Variants in PTPRD observed in about 807,000 individuals in gnomAD.
PTPRD encodes protein tyrosine phosphatase receptor type D.
PTPRD carries 34 observed loss-of-function variants against 214.5 expected under a neutral mutation model. The observed-to-expected ratio is 0.16, with a 90% CI of 0.12 to 0.21. PTPRD has a LOEUF of 0.21. Ranked by LOEUF, PTPRD falls within the 10% of genes least tolerant of loss-of-function variation. The pLI is 1.00. For missense variants in PTPRD, 2,545 were observed against 2,398.7 expected (o/e 1.06, Z -1.27); for synonymous variants, 1,128 against 845.7 (o/e 1.33, Z -5.79).
At chr9:9,057,047 G>C (rs1414489195) in intron 10 of PTPRD, among the ~76,000 whole-genome samples, 1 of 152,064 alleles carries the variant, frequency 6.6e-6, no homozygotes, top group Non-Finnish European at 1.5e-5. Context: ...TTATAGGGTG[G>C]TTGTGATGAT....
chr9:9,605,646 A>G (rs1004073277), intron 7 of PTPRD, among the ~76,000 whole-genome samples: 13 of 152,188 alleles, frequency 8.5e-5, no homozygotes, highest in African/African-American at 3.1e-4. Context: ...GGTCATCAAT[A>G]TAGAGGATGA....
intron 2 of PTPRD, among the ~76,000 whole-genome samples, chr9:10,392,267 G>A (rs1352788809): frequency 6.6e-6 from 1 of 151,882 alleles, no homozygotes; most frequent in Non-Finnish European, 1.5e-5. Flanking sequence ...GCCACATGAG[G>A]ATCAGGTTGA....
intron 11 of PTPRD, among the ~76,000 whole-genome samples, chr9:8,814,053 T>A (rs1415970886): frequency 6.6e-6 from 1 of 152,248 alleles, no homozygotes; most frequent in Non-Finnish European, 1.5e-5. Context: ...TTCTGCACCT[T>A]GGTATCTCCC....
chr9:10,034,386 C>T (rs1045759305), intron 3 of PTPRD, among the ~76,000 whole-genome samples: 2 of 143,736 alleles, frequency 1.4e-5, no homozygotes, highest in Non-Finnish European at 3.0e-5. Flanking sequence ...TTCTCGCACT[C>T]TGTCTCAGCT....
chr9:8,517,069 G>C (rs992787194), intron 21 of PTPRD, among the ~76,000 whole-genome samples: 3 of 152,058 alleles, frequency 2.0e-5, no homozygotes, highest in African/African-American at 7.2e-5. Context: ...CCTCCCAAAA[G>C]TGTTGGGATT....
intron 5 of PTPRD, among the ~76,000 whole-genome samples, chr9:9,829,172 G>C (rs1598986911): frequency 6.6e-6 from 1 of 151,802 alleles, no homozygotes; most frequent in Non-Finnish European, 1.5e-5. Flanking sequence ...TTAAAAGTTA[G>C]GAAAGATGAA....
intron 2 of PTPRD, among the ~76,000 whole-genome samples, chr9:10,342,663 C>G (rs1214090241): frequency 6.6e-6 from 1 of 152,098 alleles, no homozygotes; most frequent in Non-Finnish European, 1.5e-5. Flanking sequence ...TCCGCACCTT[C>G]TATTCCATGT....
intron 10 of PTPRD, among the ~76,000 whole-genome samples, chr9:9,170,253 C>A (rs16929011): frequency 6.6e-6 from 1 of 152,020 alleles, no homozygotes; most frequent in East Asian, 1.9e-4. Context: ...TTTCTGAAAC[C>A]CATACCAAAA....
intron 3 of PTPRD, among the ~76,000 whole-genome samples, chr9:10,114,520 G>C (rs1287247697): frequency 1.3e-5 from 2 of 151,646 alleles, no homozygotes; most frequent in African/African-American, 4.9e-5. Flanking sequence ...TCATATATGT[G>C]AATTTTATTC....
intron 4 of PTPRD, among the ~76,000 whole-genome samples, chr9:9,951,985 G>T (rs988133041): frequency 6.6e-6 from 1 of 152,178 alleles, no homozygotes; most frequent in African/African-American, 2.4e-5. Context: ...CCCCCTTGAA[G>T]TCTGCACACA....
intron 3 of PTPRD, among the ~76,000 whole-genome samples, chr9:10,333,091 A>G (rs1007528679): frequency 2.6e-5 from 4 of 151,868 alleles, no homozygotes; most frequent in African/African-American, 9.7e-5. Context: ...TGCTGAATAA[A>G]TAAGTGATTG....
intron 10 of PTPRD, among the ~76,000 whole-genome samples, chr9:9,058,442 G>GTTTTTGTTTTTTTTTTTT: frequency 1.4e-5 from 1 of 69,916 alleles, no homozygotes; most frequent in East Asian, 4.9e-4. Context: ...TATTATGAGG[G>GTTTTTGTTTTTTTTTTTT]TTTTTTTTTT....
rs555533240 is a variant in PTPRD at position 8,521,510 on chromosome 9, G to A, written c.728C>T (p.Thr243Ile). 2.5e-6 allele frequency: 4 copies of A among 1,613,974 alleles called. No individual in the cohort carries two copies. The highest frequency in any genetic ancestry group is 2.2e-5 in the South Asian group (2 of 91,076). The change falls in exon 20 of 46, where the codon ACT becomes ATT. Residue 243 changes from threonine to isoleucine, a missense_variant. By Grantham distance (89) the Thr-to-Ile change is moderately conservative. Transcript: ENST00000381196. ...RVPPRFSIPP[T>I]NHEIMPGGSV... ...TCCGCCTGGCATGATTTCATGATTAGTGGGTGGGATAGAGAATCTTGGTGG... is the reference window on the plus strand; with the variant it reads ...TCCGCCTGGCATGATTTCATGATTAATGGGTGGGATAGAGAATCTTGGTGG...
intron 8 of PTPRD, among the ~76,000 whole-genome samples, chr9:9,562,891 G>A (rs1438366910): frequency 6.6e-6 from 1 of 151,954 alleles, no homozygotes; most frequent in African/African-American, 2.4e-5. Flanking sequence ...TCTCCACACT[G>A]GAATCCAAGC....
At chr9:10,096,623 T>C (rs2098488904) in intron 3 of PTPRD, among the ~76,000 whole-genome samples, 1 of 152,078 alleles carries the variant, frequency 6.6e-6, no homozygotes, top group African/African-American at 2.4e-5. Context: ...GAATTCATGG[T>C]AGATTCTGGA....
chr9:9,021,939 C>T (rs1242504292), intron 10 of PTPRD, among the ~76,000 whole-genome samples: 1 of 148,216 alleles, frequency 6.7e-6, no homozygotes, highest in African/African-American at 2.5e-5. Context: ...CACGTGGACA[C>T]AGGGAGGGGA....
At chr9:10,527,064 T>G (rs1333270908) in intron 2 of PTPRD, among the ~76,000 whole-genome samples, 1 of 152,110 alleles carries the variant, frequency 6.6e-6, no homozygotes, top group East Asian at 1.9e-4. Flanking sequence ...TTAAGATAGC[T>G]CTCACCAACT....
chr9:10,020,121 T>C (rs1168624414), intron 4 of PTPRD, among the ~76,000 whole-genome samples: 1 of 152,122 alleles, frequency 6.6e-6, no homozygotes, highest in African/African-American at 2.4e-5. Context: ...TAAATATTTA[T>C]TATTAATAAG....
intron 39 of PTPRD, among the ~76,000 whole-genome samples, chr9:8,364,700 T>A (rs1564297711): frequency 2.0e-5 from 3 of 152,234 alleles, no homozygotes; most frequent in African/African-American, 7.2e-5. Flanking sequence ...AGTTTATCTA[T>A]CTCTGACATC....
Sources: allele counts gnomAD v4.1 joint callset (sites outside exome capture counted in the v4.1 genomes callset), GRCh38; gene constraint gnomAD v4.1.1; transcripts MANE v1.5; gene names NCBI Gene and HGNC (gene_info 2026-07-23, HGNC 2026-07-21).